Variants in GPR39 observed in about 807,000 individuals in gnomAD.
The protein encoded by GPR39 is G protein-coupled receptor 39.
In GPR39, 23 loss-of-function variants were observed where a neutral mutation model predicts 18.4. That is an observed-to-expected ratio of 1.25 (90% confidence interval 0.90 to 1.77). The LOEUF is 1.77. GPR39 is among the 40% of genes most tolerant of loss of function. The pLI, the probability that GPR39 is intolerant of heterozygous loss-of-function variation, is 0.00. For synonymous variants in GPR39, 280 were observed against 257.9 expected (o/e 1.09, Z -0.82); for missense variants, 647 against 602.4 (o/e 1.07, Z -0.78).
chr2:132,570,011 G>A (rs1680414429), intron 1 of GPR39, among the ~76,000 whole-genome samples: 2 of 152,152 alleles, frequency 1.3e-5, no homozygotes, highest in African/African-American at 4.8e-5. Flanking sequence ...AGGGCAGTGG[G>A]AAAGCGGACT....
intron 1 of GPR39, among the ~76,000 whole-genome samples, chr2:132,549,354 G>A (rs921700422): frequency 6.6e-6 from 1 of 152,158 alleles, no homozygotes; most frequent in Non-Finnish European, 1.5e-5. Context: ...CTGTGCATTG[G>A]TCTTCCAAAC....
chr2:132,416,807 A>G lies in GPR39; in HGVS notation c.-236A>G. 1.7e-6 allele frequency: 1 copy of G among 595,740 alleles called. No individual in the cohort carries two copies. The highest frequency in any genetic ancestry group is 3.0e-5 in the Admixed American group (1 of 33,608). The allele number at this position is 595,740 out of a possible 1,614,324, so 36.9% of individuals were successfully genotyped here. ...CCTCTCCCCGCCTCGCCCCAGCCAC[A>G]TACACTCCCAAACCTCAACACCCAG... is the stretch of plus-strand genomic sequence containing the variant. On this transcript the variant is annotated 5_prime_UTR_variant, in exon 1 of 2. Coordinates refer to ENST00000329321, the MANE Select transcript of GPR39 (RefSeq NM_001508.3).
Position 132,646,110 on chromosome 2 carries a change from G to C in GPR39, c.*504G>C, listed in dbSNP as rs781059999. On this transcript the variant is annotated 3_prime_UTR_variant, in exon 2 of 2. Coordinates refer to ENST00000329321, the MANE Select transcript of GPR39 (RefSeq NM_001508.3). ...ATGGTGGTGCGGAGCCCTGGCCTGAGGGCCGAGGCAGAACTTCCCCTTTTC... is the reference window on the plus strand; with the variant it reads ...ATGGTGGTGCGGAGCCCTGGCCTGACGGCCGAGGCAGAACTTCCCCTTTTC... 6.2e-7 allele frequency: 1 copy of C among 1,608,386 alleles called. No individual in the cohort carries two copies. The highest frequency in any genetic ancestry group is 1.1e-5 in the South Asian group (1 of 90,106).
At chr2:132,465,547 A>G (rs533496552) in intron 1 of GPR39, among the ~76,000 whole-genome samples, 2 of 152,274 alleles carry the variant, frequency 1.3e-5, no homozygotes, top group Admixed American at 6.5e-5. Flanking sequence ...GGCAAAGAGC[A>G]TGGTAGCCAA....
intron 1 of GPR39, among the ~76,000 whole-genome samples, chr2:132,525,621 G>A (rs1021497110): frequency 3.9e-5 from 6 of 152,168 alleles, no homozygotes; most frequent in African/African-American, 1.2e-4. Flanking sequence ...CACTGTGATC[G>A]TTTCTGCCTG....
chr2:132,530,940 A>G (rs1427772155), intron 1 of GPR39, among the ~76,000 whole-genome samples: 2 of 152,252 alleles, frequency 1.3e-5, no homozygotes, highest in African/African-American at 4.8e-5. Flanking sequence ...AAGAAACTGC[A>G]TCAACTAACG....
At chr2:132,559,699 C>A (rs760579650) in intron 1 of GPR39, among the ~76,000 whole-genome samples, 5 of 151,986 alleles carry the variant, frequency 3.3e-5, no homozygotes, top group Non-Finnish European at 5.9e-5. Flanking sequence ...GCAGAGTGAA[C>A]AGCATTTCGC....
intron 1 of GPR39, among the ~76,000 whole-genome samples, chr2:132,503,205 A>G (rs907864324): frequency 2.6e-5 from 4 of 152,186 alleles, no homozygotes; most frequent in African/African-American, 9.7e-5. Flanking sequence ...AGCCTATATC[A>G]GAAGGAAGAT....
At chr2:132,636,626 C>G (rs1278414087) in intron 1 of GPR39, among the ~76,000 whole-genome samples, 1 of 152,214 alleles carries the variant, frequency 6.6e-6, no homozygotes, top group Non-Finnish European at 1.5e-5. Context: ...TAAATTTGGG[C>G]ACCTCCTTCC....
intron 1 of GPR39, among the ~76,000 whole-genome samples, chr2:132,502,694 G>A (rs953835897): frequency 6.6e-6 from 1 of 152,006 alleles, no homozygotes; most frequent in Non-Finnish European, 1.5e-5. Flanking sequence ...CTTCTTCTTT[G>A]GGAACACCAA....
intron 1 of GPR39, among the ~76,000 whole-genome samples, chr2:132,514,734 A>T (rs1178320552): frequency 6.6e-6 from 1 of 152,216 alleles, no homozygotes; most frequent in Non-Finnish European, 1.5e-5. Flanking sequence ...GGCCCTAGAT[A>T]TATTAAATAA....
intron 1 of GPR39, among the ~76,000 whole-genome samples, chr2:132,483,553 T>C (rs529574025): frequency 6.6e-6 from 1 of 152,372 alleles, no homozygotes; most frequent in Non-Finnish European, 1.5e-5. Context: ...CAGAGTTATA[T>C]GGCTAATGTC....
rs763597315 is a variant in GPR39 at position 132,441,852 on chromosome 2, G to A, written c.856+23954G>A. 7.2e-5 allele frequency among the ~76,000 whole-genome samples: 11 copies of A among 152,162 alleles called. No individual in the cohort carries two copies. The South Asian group carries it at 1.2e-3, about 17-fold the overall frequency. On this transcript the variant is annotated intron_variant, in intron 1 of 1. Transcript: ENST00000329321. The stretch of plus-strand genomic sequence containing the variant: ...TGAAAGTCACAAAATACCTTAATCC[G>A]CTCTTCACGCAGAGGGGAGATCTTG...
chr2:132,530,551 T>A (rs532499670), intron 1 of GPR39, among the ~76,000 whole-genome samples: 16 of 152,208 alleles, frequency 1.1e-4, no homozygotes, highest in Admixed American at 3.3e-4. Flanking sequence ...GACACATAAT[T>A]TTCAGTCACC....
At chr2:132,607,913 G>C (rs985898179) in intron 1 of GPR39, among the ~76,000 whole-genome samples, 2 of 152,150 alleles carry the variant, frequency 1.3e-5, no homozygotes, top group Non-Finnish European at 2.9e-5. Flanking sequence ...TTATCATAGT[G>C]TGCAATTAAT....
chr2:132,555,807 T>C (rs1484699742), intron 1 of GPR39, among the ~76,000 whole-genome samples: 3 of 152,202 alleles, frequency 2.0e-5, no homozygotes, highest in African/African-American at 7.2e-5. Flanking sequence ...TGATAATTTG[T>C]TGATGACATG....
At chr2:132,516,762 C>A (rs560515511) in intron 1 of GPR39, among the ~76,000 whole-genome samples, 1 of 152,246 alleles carries the variant, frequency 6.6e-6, no homozygotes, top group Non-Finnish European at 1.5e-5. Context: ...CATGACAGAA[C>A]CTTAACACTC....
intron 1 of GPR39, among the ~76,000 whole-genome samples, chr2:132,635,407 A>G (rs1251666287): frequency 6.6e-6 from 1 of 152,214 alleles, no homozygotes; most frequent in Non-Finnish European, 1.5e-5. Context: ...TTCTTGGTGA[A>G]CTCATAGAAG....
rs547605242 is a variant in GPR39, at chr2:132,601,240, A to G, written c.857-43861A>G. 9.1e-4 allele frequency among the ~76,000 whole-genome samples: 139 copies of G among 152,334 alleles called. 1 individual carries two copies. The highest frequency in any genetic ancestry group is 3.2e-3 in the African/African-American group (135 of 41,586). Reference sequence around the variant, plus strand: ...AAAATACTAGCAAACCAAATCTAACAGCACATCAAAAAGATAATACACCCT... The same window carrying G: ...AAAATACTAGCAAACCAAATCTAACGGCACATCAAAAAGATAATACACCCT... On this transcript the variant is annotated intron_variant, in intron 1 of 1. Transcript: ENST00000329321.
Sources: gnomAD v4.1 joint callset for allele counts (sites outside exome capture counted in the v4.1 genomes callset) on GRCh38, gnomAD v4.1.1 for gene constraint, MANE v1.5 for transcripts, NCBI Gene and HGNC (gene_info 2026-07-23, HGNC 2026-07-21) for gene names.